Variants in PTCHD4 observed in about 807,000 individuals in gnomAD.
PTCHD4 encodes the protein patched domain containing 4, also known as patched domain-containing protein 4.
In PTCHD4, 33 loss-of-function variants were observed where a neutral mutation model predicts 58.1. The ratio of observed to expected loss-of-function variants is 0.57; its 90% confidence interval spans 0.43 to 0.76. The LOEUF (loss-of-function observed/expected upper bound fraction) is 0.76. Among genes scored for constraint, PTCHD4 ranks in the 30% least tolerant of loss-of-function variants. The pLI is 0.00. For synonymous variants in PTCHD4, 478 were observed against 409.6 expected (o/e 1.17, Z -2.02); for missense variants, 1,058 against 1,027.1 (o/e 1.03, Z -0.41).
intron 3 of PTCHD4, among the ~76,000 whole-genome samples, chr6:48,054,314 T>C (rs1451244527): frequency 6.6e-6 from 1 of 152,174 alleles, no homozygotes; most frequent in Non-Finnish European, 1.5e-5. Context: ...TACAGCATGT[T>C]GGAGTTGGCC....
chr6:47,941,576 G>A (rs1273429099), intron 4 of PTCHD4, among the ~76,000 whole-genome samples: 2 of 152,170 alleles, frequency 1.3e-5, no homozygotes, highest in African/African-American at 2.4e-5. Flanking sequence ...GAGCCATAAA[G>A]TAGCAAAATT....
At chr6:47,956,130 T>C (rs137995111) in intron 4 of PTCHD4, among the ~76,000 whole-genome samples, 199 of 152,342 alleles carry the variant, frequency 1.3e-3, no homozygotes, top group African/African-American at 4.3e-3. Context: ...GAGATTTTCT[T>C]TTCATTGAGA....
At chr6:47,947,955 T>C (rs563120813) in intron 4 of PTCHD4, among the ~76,000 whole-genome samples, 2 of 152,346 alleles carry the variant, frequency 1.3e-5, no homozygotes, top group South Asian at 4.1e-4. Context: ...CTCTCTTTCA[T>C]AATTTATATT....
intron 3 of PTCHD4, among the ~76,000 whole-genome samples, chr6:48,021,489 C>T (rs1185631309): frequency 1.3e-5 from 2 of 152,128 alleles, no homozygotes; most frequent in African/African-American, 2.4e-5. Flanking sequence ...TTGTACCTTT[C>T]CATCTCATAC....
chr6:48,008,853 T>C lies in PTCHD4; in HGVS notation c.679A>G (p.Ser227Gly). Reference sequence around the variant, plus strand: ...AGGACCTTGCTTCTGGCCAGGATGCTGGTCTTATGAAAGTCCCTCCAGAGG... The same window carrying C: ...AGGACCTTGCTTCTGGCCAGGATGCCGGTCTTATGAAAGTCCCTCCAGAGG... ...FSLWRDFHKTSILARSKVLVS... is the reference protein window; with the variant it reads ...FSLWRDFHKTGILARSKVLVS... The change falls in exon 4 of 5, where the codon AGC (serine) becomes GGC (glycine). Residue 227 changes from serine to glycine, a missense_variant. Transcript: ENST00000339488. 6.2e-7 allele frequency: 1 copy of C among 1,614,032 alleles called. No individual in the cohort carries two copies. Among genetic ancestry groups the C allele is most frequent in the South Asian group, 1.1e-5 (1 of 91,084 alleles).
At chr6:48,094,450 C>T (rs1231881171) in intron 1 of PTCHD4, among the ~76,000 whole-genome samples, 1 of 152,122 alleles carries the variant, frequency 6.6e-6, no homozygotes, top group Non-Finnish European at 1.5e-5. Context: ...AATGAAGAAA[C>T]ATTGAGATCA....
At chr6:47,997,021 T>C (rs151082569) in intron 4 of PTCHD4, among the ~76,000 whole-genome samples, 1 of 152,326 alleles carries the variant, frequency 6.6e-6, no homozygotes, top group East Asian at 1.9e-4. Flanking sequence ...GTAAAGTATA[T>C]ACCCTTGCCT....
chr6:47,914,741 C>G, intron 4 of PTCHD4, among the ~76,000 whole-genome samples: 1 of 90,230 alleles, frequency 1.1e-5, no homozygotes, highest in Middle Eastern at 5.2e-3. Flanking sequence ...TATTATCTAT[C>G]TATTATCTAT....
At chr6:48,027,420 G>A (rs974100453) in intron 3 of PTCHD4, among the ~76,000 whole-genome samples, 5 of 151,836 alleles carry the variant, frequency 3.3e-5, no homozygotes, top group African/African-American at 1.2e-4. Context: ...ATTCTGTTTG[G>A]GTTTACTAGG....
At chr6:48,107,806 T>G (rs1236209495) in intron 1 of PTCHD4, among the ~76,000 whole-genome samples, 1 of 152,162 alleles carries the variant, frequency 6.6e-6, no homozygotes, top group African/African-American at 2.4e-5. Context: ...GAACAGACAC[T>G]TCTCAAAAGA....
At chr6:48,071,160 C>T (rs890363002) in intron 1 of PTCHD4, among the ~76,000 whole-genome samples, 2 of 152,216 alleles carry the variant, frequency 1.3e-5, no homozygotes, top group Admixed American at 6.5e-5. Context: ...AGCGTACTCT[C>T]TTCTCACAAC....
chr6:47,974,885 C>CTGTAATT (rs1198496049), intron 4 of PTCHD4, among the ~76,000 whole-genome samples: 1 of 152,146 alleles, frequency 6.6e-6, no homozygotes. Context: ...TCACATTAAA[C>CTGTAATT]TGTAATTTAT....
intron 4 of PTCHD4, among the ~76,000 whole-genome samples, chr6:47,957,246 G>A (rs1193016405): frequency 3.4e-5 from 5 of 147,412 alleles, no homozygotes; most frequent in Non-Finnish European, 7.5e-5. Flanking sequence ...TGATGGTTAA[G>A]GTTTATATAT....
Position 48,083,745 on chromosome 6 carries a change from A to G in PTCHD4, c.-969-13819T>C, listed in dbSNP as rs146732708. On this transcript the variant is annotated intron_variant, in intron 1 of 4. Transcript: ENST00000339488. ...GAAAAAGAATGTGTCTGGAGTATCTAAGAGCTAAGATTAGCCCCTGGCTGA... is the reference window on the plus strand; with the variant it reads ...GAAAAAGAATGTGTCTGGAGTATCTGAGAGCTAAGATTAGCCCCTGGCTGA... Among the ~76,000 whole-genome samples, 51 of 152,330 alleles carry G rather than the reference A, an allele frequency of 3.3e-4. No homozygotes were observed. The East Asian group carries it at 8.7e-3, about 26-fold the overall frequency.
At chr6:47,996,056 T>C (rs1451845939) in intron 4 of PTCHD4, among the ~76,000 whole-genome samples, 1 of 152,232 alleles carries the variant, frequency 6.6e-6, no homozygotes, top group African/African-American at 2.4e-5. Context: ...CAGGGGTTTG[T>C]TGTAAGATTA....
At chr6:47,963,429 A>T (rs1404931898) in intron 4 of PTCHD4, among the ~76,000 whole-genome samples, 1 of 152,116 alleles carries the variant, frequency 6.6e-6, no homozygotes, top group African/African-American at 2.4e-5. Flanking sequence ...CTGTATGGAG[A>T]TTCCTAAAAA....
At chr6:47,934,654 T>C (rs1477825502) in intron 4 of PTCHD4, among the ~76,000 whole-genome samples, 1 of 152,198 alleles carries the variant, frequency 6.6e-6, no homozygotes, top group Non-Finnish European at 1.5e-5. Context: ...TAGAACTGTA[T>C]TTATTTTAAA....
chr6:47,915,100 G>T (rs1196697671), intron 4 of PTCHD4, among the ~76,000 whole-genome samples: 1 of 151,970 alleles, frequency 6.6e-6, no homozygotes, highest in African/African-American at 2.4e-5. Context: ...GTAATTCCAT[G>T]GAAAAGAAAC....
chr6:47,926,328 T>C (rs1323721543), intron 4 of PTCHD4, among the ~76,000 whole-genome samples: 1 of 152,234 alleles, frequency 6.6e-6, no homozygotes, highest in Admixed American at 6.5e-5. Flanking sequence ...AAGATGCTAC[T>C]TGTTTGATAG....
Sources: gnomAD v4.1 joint callset for allele counts (sites outside exome capture counted in the v4.1 genomes callset) on GRCh38, gnomAD v4.1.1 for gene constraint, MANE v1.5 for transcripts, NCBI Gene and HGNC (gene_info 2026-07-23, HGNC 2026-07-21) for gene names.